RNF180: variants seen among roughly 807,000 people sequenced by gnomAD.
RNF180 encodes E3 ubiquitin-protein ligase RNF180.
A neutral mutation model predicts 59.2 loss-of-function variants in RNF180; 38 were observed. The observed-to-expected ratio is 0.64, with a 90% CI of 0.50 to 0.84. The LOEUF (loss-of-function observed/expected upper bound fraction) is 0.84. Ranked by LOEUF, RNF180 falls within the 40% of genes least tolerant of loss-of-function variation. The pLI, the probability that RNF180 is intolerant of heterozygous loss-of-function variation, is 0.00. For synonymous variants in RNF180, 262 were observed against 240.3 expected (o/e 1.09, Z -0.84); for missense variants, 705 against 700.9 (o/e 1.01, Z -0.07).
intron 1 of RNF180, among the ~76,000 whole-genome samples, chr5:64,190,029 C>T (rs995071519): frequency 6.6e-6 from 1 of 152,142 alleles, no homozygotes; most frequent in African/African-American, 2.4e-5. Context: ...CTGTTTCTTC[C>T]TCAGTTTGAG....
intron 1 of RNF180, among the ~76,000 whole-genome samples, chr5:64,174,143 C>CT (rs1257349891): frequency 1.3e-5 from 2 of 152,108 alleles, no homozygotes; most frequent in African/African-American, 2.4e-5. Flanking sequence ...GACTTCATCC[C>CT]TTTTTTTGGC....
chr5:64,226,610 A>T (rs954525609), intron 5 of RNF180, among the ~76,000 whole-genome samples: 2 of 151,900 alleles, frequency 1.3e-5, no homozygotes, highest in African/African-American at 4.8e-5. Context: ...TTATTATCCT[A>T]TGACCCTGCC....
chr5:64,316,881 G>A (rs187023427), intron 5 of RNF180, among the ~76,000 whole-genome samples: 5 of 152,180 alleles, frequency 3.3e-5, no homozygotes, highest in East Asian at 1.9e-4. Context: ...AGGGGGATGC[G>A]TCCAGCGACC....
At chr5:64,291,057 T>C (rs1303538397) in intron 5 of RNF180, among the ~76,000 whole-genome samples, 6 of 152,192 alleles carry the variant, frequency 3.9e-5, no homozygotes, top group African/African-American at 1.2e-4. Flanking sequence ...CATTTGCTTG[T>C]CTGAAAAGGA....
At chr5:64,175,271 C>T (rs1040961070) in intron 1 of RNF180, among the ~76,000 whole-genome samples, 5 of 152,034 alleles carry the variant, frequency 3.3e-5, no homozygotes, top group Admixed American at 6.6e-5. Context: ...CTCGCCAATC[C>T]GTTTCTATTT....
At chr5:64,302,827 G>C (rs993577760) in intron 5 of RNF180, among the ~76,000 whole-genome samples, 7 of 151,512 alleles carry the variant, frequency 4.6e-5, no homozygotes, top group African/African-American at 1.7e-4. Context: ...AGAACTTGTT[G>C]AGTGCCACTT....
At chr5:64,218,666 G>A (rs926239583) in intron 5 of RNF180, among the ~76,000 whole-genome samples, 1 of 152,114 alleles carries the variant, frequency 6.6e-6, no homozygotes, top group Non-Finnish European at 1.5e-5. Flanking sequence ...GGGGAGAATT[G>A]AAATCTTTAC....
At chr5:64,201,433 T>TA (rs908878147) in intron 2 of RNF180, among the ~76,000 whole-genome samples, 1 of 152,178 alleles carries the variant, frequency 6.6e-6, no homozygotes, top group African/African-American at 2.4e-5. Flanking sequence ...TCATCCTGAT[T>TA]AAAAAATGAG....
At position 64,372,470 on chromosome 5, in the gene RNF180, C is replaced by T. The variant is rs560906591; in HGVS notation, c.*2656C>T. 2.0e-5 allele frequency: 3 copies of T among 151,998 alleles called. No individual in the cohort carries two copies. The highest frequency in any genetic ancestry group is 1.3e-4 in the Admixed American group (2 of 15,208). The allele number at this position is 151,998 out of a possible 1,614,324, so 9.4% of individuals were successfully genotyped here. On this transcript the variant is annotated 3_prime_UTR_variant, in exon 8 of 8. Transcript: ENST00000389100. ...ATGCTAAATATGAAAGCAGTGCTGC[C>T]ATCAGTTTCACTTCTGCCTTGGAAT...
intron 5 of RNF180, among the ~76,000 whole-genome samples, chr5:64,223,643 C>T (rs60770049): frequency 0.023 from 3,547 of 152,212 alleles, 127 homozygotes; most frequent in African/African-American, 0.075. Context: ...CATTATTCCA[C>T]AGCCTTTCAA....
intron 1 of RNF180, among the ~76,000 whole-genome samples, chr5:64,181,777 A>G (rs993795518): frequency 1.3e-5 from 2 of 152,170 alleles, no homozygotes; most frequent in African/African-American, 4.8e-5. Flanking sequence ...ACAAGGGAAG[A>G]TTTATTATTG....
intron 5 of RNF180, among the ~76,000 whole-genome samples, chr5:64,313,922 T>A (rs907235409): frequency 9.9e-5 from 15 of 152,198 alleles, no homozygotes; most frequent in Non-Finnish European, 1.5e-5. Flanking sequence ...TGAGCATTTT[T>A]TCAAATGCTT....
chr5:64,362,091 T>A (rs1746277866), intron 7 of RNF180, among the ~76,000 whole-genome samples: 1 of 151,572 alleles, frequency 6.6e-6, no homozygotes, highest in Admixed American at 6.6e-5. Flanking sequence ...ATTAAAATAA[T>A]TTTTTAACTT....
chr5:64,327,285 A>T (rs1194255096), intron 6 of RNF180, among the ~76,000 whole-genome samples: 1 of 151,516 alleles, frequency 6.6e-6, no homozygotes, highest in African/African-American at 2.4e-5. Context: ...AATTTCATTT[A>T]TTTCTACTCT....
At chr5:64,196,203 T>C (rs73761475) in intron 1 of RNF180, among the ~76,000 whole-genome samples, 1,574 of 148,268 alleles carry the variant, frequency 0.011, 21 homozygotes, top group African/African-American at 0.035. Flanking sequence ...TTTTTTTTTT[T>C]CCCACCATTA....
At chr5:64,358,340 G>A (rs969680760) in intron 7 of RNF180, among the ~76,000 whole-genome samples, 8 of 151,818 alleles carry the variant, frequency 5.3e-5, no homozygotes, top group Non-Finnish European at 5.9e-5. Context: ...AAGTCCCATG[G>A]CCTTCGTAAC....
chr5:64,306,805 C>T (rs1743489488), intron 5 of RNF180, among the ~76,000 whole-genome samples: 1 of 149,802 alleles, frequency 6.7e-6, no homozygotes, highest in Non-Finnish European at 1.5e-5. Flanking sequence ...AGGGGAACAT[C>T]ACACACTGAG....
Position 64,213,866 on chromosome 5 carries a change from A to G in RNF180, c.540A>G (p.Glu180=), listed in dbSNP as rs780916049. 1 of 1,614,152 alleles carries G rather than the reference A, an allele frequency of 6.2e-7. No individual in the cohort carries two copies. The highest frequency in any genetic ancestry group is 1.1e-5 in the South Asian group (1 of 91,088). Residue 180 remains glutamate (E), a synonymous_variant, in exon 4 of 8, where the codon GAA becomes GAG. Coordinates refer to ENST00000389100, the MANE Select transcript of RNF180 (RefSeq NM_001113561.2). ...RNNNDPGRLT[E]ALCLEVRPTY... is the part of the protein sequence containing the mutation. ...ATAATGACCCTGGAAGATTAACAGAAGCACTCTGCCTGGAGGTGCGACCAA... is the reference window on the plus strand; with the variant it reads ...ATAATGACCCTGGAAGATTAACAGAGGCACTCTGCCTGGAGGTGCGACCAA...
At chr5:64,247,580 C>G (rs1238866646) in intron 5 of RNF180, among the ~76,000 whole-genome samples, 2 of 152,164 alleles carry the variant, frequency 1.3e-5, no homozygotes, top group Non-Finnish European at 2.9e-5. Flanking sequence ...TCAAGGAGAA[C>G]TACAAACCAC....
Sources: gnomAD v4.1 joint callset for allele counts (sites outside exome capture counted in the v4.1 genomes callset) on GRCh38, gnomAD v4.1.1 for gene constraint, MANE v1.5 for transcripts, NCBI Gene and HGNC (gene_info 2026-07-23, HGNC 2026-07-21) for gene names.